Variants in SASH1 observed in about 807,000 individuals in gnomAD.
SASH1 encodes the protein SAM and SH3 domain-containing protein 1.
SASH1 carries 44 observed loss-of-function variants against 125.2 expected under a neutral mutation model. The observed-to-expected ratio is 0.35, with a 90% CI of 0.28 to 0.45. The LOEUF is 0.45. Among genes scored for constraint, SASH1 ranks in the 20% least tolerant of loss-of-function variants. The pLI, the probability that SASH1 is intolerant of heterozygous loss-of-function variation, is 1.00. For missense variants in SASH1, 1,426 were observed against 1,614.5 expected, an observed-to-expected ratio of 0.88 and a Z score of 2.00; for synonymous variants, 639 against 649.1, an observed-to-expected ratio of 0.98 and a Z score of 0.24.
chr6:148,391,685 C>CTA (rs1783736682), intron 2 of SASH1, among the ~76,000 whole-genome samples: 1 of 151,974 alleles, frequency 6.6e-6, no homozygotes, highest in Admixed American at 6.6e-5. Context: ...AGCATAGGTG[C>CTA]TATATATATA....
intron 1 of SASH1, among the ~76,000 whole-genome samples, chr6:148,377,949 C>T (rs1453446746): frequency 6.6e-6 from 1 of 152,090 alleles, no homozygotes; most frequent in African/African-American, 2.4e-5. Context: ...TGAGGCCGTA[C>T]ACATTTAACT....
rs759455543 is a variant in SASH1, at chr6:148,546,056, C to T, written c.3390C>T (p.Tyr1130=). 83 of 1,614,088 alleles carry T rather than the reference C, an allele frequency of 5.1e-5. No homozygotes were observed. The highest frequency in any genetic ancestry group is 1.6e-4 in the Middle Eastern group (1 of 6,084). Reference sequence around the variant, plus strand: ...TTCCTGAAGCCCTGGTGCAGAGATACGCAGAGGACTTGGATCAGCCCGAGC... The same window carrying T: ...TTCCTGAAGCCCTGGTGCAGAGATATGCAGAGGACTTGGATCAGCCCGAGC... The part of the protein sequence containing the change: ...CGIPEALVQR[Y]AEDLDQPERD... Residue 1130 remains tyrosine, a synonymous_variant, in exon 19 of 20, where the codon TAC becomes TAT. Coordinates refer to ENST00000367467, the MANE Select transcript of SASH1 (RefSeq NM_015278.5).
At chr6:148,240,447 G>A in the SASH1 span, among the ~76,000 whole-genome samples, 3 of 152,172 alleles carry the variant, frequency 2.0e-5, no homozygotes, top group Admixed American at 6.5e-5. Context: ...ATTAGAACAT[G>A]GTTATTAGGG....
chr6:148,542,727 T>C (rs1466142026), intron 17 of SASH1, among the ~76,000 whole-genome samples: 1 of 152,240 alleles, frequency 6.6e-6, no homozygotes, highest in African/African-American at 2.4e-5. Flanking sequence ...TGATGATCTT[T>C]ATGTAACAAC....
chr6:148,406,548 A>G (rs1009598734), intron 2 of SASH1, among the ~76,000 whole-genome samples: 3 of 152,204 alleles, frequency 2.0e-5, no homozygotes, highest in Non-Finnish European at 4.4e-5. Flanking sequence ...GTGGGGGATC[A>G]TGGAGCATAG....
At chr6:148,284,074 G>A (rs1353174985) in intron 1 of SASH1, among the ~76,000 whole-genome samples, 2 of 152,000 alleles carry the variant, frequency 1.3e-5, no homozygotes, top group African/African-American at 4.8e-5. Flanking sequence ...ACCACTATAG[G>A]AACCTACCCG....
the SASH1 span, among the ~76,000 whole-genome samples, chr6:148,203,462 G>A: frequency 5.3e-5 from 8 of 152,136 alleles, no homozygotes; most frequent in African/African-American, 1.9e-4. Context: ...CTTGGGGAAC[G>A]CTGTGGTGTG....
At chr6:148,451,903 G>A (rs1201871099) in intron 4 of SASH1, among the ~76,000 whole-genome samples, 1 of 152,098 alleles carries the variant, frequency 6.6e-6, no homozygotes, top group Non-Finnish European at 1.5e-5. Flanking sequence ...GTGTAGGGTG[G>A]AGACACCCAT....
intron 8 of SASH1, among the ~76,000 whole-genome samples, chr6:148,512,021 A>ATTTT (rs1780167753): frequency 6.6e-6 from 1 of 151,240 alleles, no homozygotes; most frequent in African/African-American, 2.4e-5. Flanking sequence ...TTATTTATTT[A>ATTTT]TTTATTTATT....
intron 8 of SASH1, chr6:148,512,527 C>T (rs962664244): frequency 7.1e-6 from 7 of 984,684 alleles, no homozygotes; most frequent in African/African-American, 1.7e-5. Context: ...TCTGGTTGAC[C>T]GCTCCAACCA....
Position 148,303,816 on chromosome 6 carries a change from A to C in SASH1, n.74+31439A>C, listed in dbSNP as rs1780043438. ...AAATAAATAAATAAATAAATAAATA[A>C]ATAAATAAATAAAATAAAAATACTC... On this transcript the variant is annotated intron_variant and non_coding_transcript_variant, in intron 1 of 3. Transcript: ENST00000367469. Among the ~76,000 whole-genome samples, 5 of 151,152 alleles carry C rather than the reference A, an allele frequency of 3.3e-5. No individual in the cohort carries two copies. In the South Asian group the frequency reaches 1.0e-3, roughly 31 times the overall value.
At chr6:148,476,954 T>C (rs1778390310) in intron 7 of SASH1, among the ~76,000 whole-genome samples, 1 of 152,004 alleles carries the variant, frequency 6.6e-6, no homozygotes, top group African/African-American at 2.4e-5. Context: ...GCCAAGAATA[T>C]ACAATGGGGA....
chr6:148,467,798 G>C (rs182406611), intron 4 of SASH1, among the ~76,000 whole-genome samples: 5 of 152,240 alleles, frequency 3.3e-5, no homozygotes, highest in South Asian at 2.1e-4. Context: ...TTAGCCAGGC[G>C]TGATGGCGCA....
At chr6:148,196,068 T>C in the SASH1 span, among the ~76,000 whole-genome samples, 2 of 152,170 alleles carry the variant, frequency 1.3e-5, no homozygotes, top group Non-Finnish European at 2.9e-5. Flanking sequence ...ATGTTGGACA[T>C]TGTCTCTCAG....
At chr6:148,501,560 A>G (rs1321053435) in intron 8 of SASH1, among the ~76,000 whole-genome samples, 1 of 152,140 alleles carries the variant, frequency 6.6e-6, no homozygotes, top group Non-Finnish European at 1.5e-5. Context: ...GAACAGAGGG[A>G]CCTGTAGAGC....
At chr6:148,309,245 C>T (rs931343915) in intron 1 of SASH1, among the ~76,000 whole-genome samples, 23 of 152,186 alleles carry the variant, frequency 1.5e-4, no homozygotes, top group South Asian at 4.2e-4. Flanking sequence ...ATAAAGACAA[C>T]GTCTTTTCAA....
At chr6:148,303,385 C>T (rs1780027162) in intron 1 of SASH1, among the ~76,000 whole-genome samples, 1 of 152,080 alleles carries the variant, frequency 6.6e-6, no homozygotes. Context: ...ATATGCTAAG[C>T]TATAAAATAA....
chr6:148,355,253 A>G (rs1342399085), intron 1 of SASH1, among the ~76,000 whole-genome samples: 1 of 152,226 alleles, frequency 6.6e-6, no homozygotes, highest in Non-Finnish European at 1.5e-5. Flanking sequence ...CTCAGAATGT[A>G]TGGCATTAAG....
chr6:148,544,240 C>T lies in SASH1; in HGVS notation c.2770C>T (p.Pro924Ser). ...SIAASGRGLS[P>S]PQCLPRNYDA... ...CGCAGCCTCTGGTCGCGGCCTGTCA[C>T]CCCCTCAGTGTTTGCCCAGAAACTA... is the stretch of plus-strand genomic sequence containing the variant. Residue 924 changes from proline to serine, a missense_variant, in exon 18 of 20, where the codon CCC (proline) becomes TCC (serine). By Grantham distance (74) the Pro-to-Ser change is moderately conservative. Around this residue, in one of 3 missense-constraint regions of SASH1, gnomAD observed 634 missense variants for 694.4 expected, o/e 0.91. Coordinates refer to ENST00000367467, the MANE Select transcript of SASH1 (RefSeq NM_015278.5). This position sits in a 1 kb window ranked among gnomAD's most constrained non-coding sequence, Gnocchi z 6.4. 2.5e-6 allele frequency: 4 copies of T among 1,614,150 alleles called. No homozygotes were observed. Among genetic ancestry groups the T allele is most frequent in the Non-Finnish European group, 3.4e-6 (4 of 1,180,010 alleles).
Sources: allele counts gnomAD v4.1 joint callset (sites outside exome capture counted in the v4.1 genomes callset), GRCh38; gene constraint gnomAD v4.1.1; regional missense constraint gnomAD v4.1.1; non-coding constraint Gnocchi (gnomAD v3.1); transcripts MANE v1.5; gene names NCBI Gene and HGNC (gene_info 2026-07-23, HGNC 2026-07-21).